The following NBEA variants were observed in gnomAD, a reference collection of about 807,000 sequenced individuals.
NBEA encodes the protein neurobeachin.
In NBEA, 44 loss-of-function variants were observed where a neutral mutation model predicts 343.4. That is an observed-to-expected ratio of 0.13 (90% CI 0.10 to 0.16). The LOEUF (loss-of-function observed/expected upper bound fraction) is 0.16, where lower values mean the gene tolerates loss of function less well. NBEA is among the 10% of genes least tolerant of loss of function. The pLI, the probability that NBEA is intolerant of heterozygous loss-of-function variation, is 1.00. For synonymous variants in NBEA, 1,175 were observed against 1,238.7 expected (o/e 0.95, Z 1.08); for missense variants, 2,555 against 3,631.3 (o/e 0.70, Z 7.62).
At chr13:35,445,906 T>C (rs1323634069) in intron 39 of NBEA, among the ~76,000 whole-genome samples, 1 of 150,386 alleles carries the variant, frequency 6.6e-6, no homozygotes, top group Non-Finnish European at 1.5e-5. Context: ...CATGTTGGTG[T>C]GCTGCACCCA....
At position 35,549,557 on chromosome 13, in the gene NBEA, C is replaced by T. The variant is rs144867775; in HGVS notation, c.6586-920C>T. Reference sequence around the variant, plus strand: ...CCAGAAGTCCAGATGTGGATGCTTGCTGTGATTGTTTCAGTAGCTCAGTAT... The same window carrying T: ...CCAGAAGTCCAGATGTGGATGCTTGTTGTGATTGTTTCAGTAGCTCAGTAT... On this transcript the variant is annotated intron_variant, in intron 41 of 58. Coordinates refer to ENST00000379939, the MANE Select transcript of NBEA (RefSeq NM_001385012.1). Among the ~76,000 whole-genome samples the T allele has an allele frequency of 2.4e-3, 368 of 152,186 alleles. 2 individuals are homozygous for T. Among genetic ancestry groups the T allele is most frequent in the African/African-American group, 8.6e-3 (358 of 41,540 alleles).
Position 35,044,995 on chromosome 13 carries a change from T to C in NBEA, c.575T>C (p.Val192Ala). The C allele has an allele frequency of 6.2e-7, 1 of 1,612,176 alleles. No homozygotes were observed. The highest frequency in any genetic ancestry group is 8.5e-7 in the Non-Finnish European group (1 of 1,179,060). ...GTTCTTGCCAGCTACAGCATCACTG[T>C]CAAGGAGTTGAAGCTTTTGTTCAGC... ...LGVLASYSITVKELKLLFSML... is the reference protein window; with the variant it reads ...LGVLASYSITAKELKLLFSML... The change falls in exon 3 of 59, where the codon GTC becomes GCC. Residue 192 changes from valine (V) to alanine (A), a missense_variant. Physicochemically the swap from Val to Ala is moderately conservative, Grantham distance 64. Transcript: ENST00000379939.
At chr13:35,040,775 C>T (rs754842007) in intron 1 of NBEA, among the ~76,000 whole-genome samples, 158 bp from the exon 2 acceptor site, 2 of 152,076 alleles carry the variant, frequency 1.3e-5, no homozygotes, top group South Asian at 2.1e-4. Context: ...ATGCCTTTCA[C>T]TTATTTGTAG....
intron 38 of NBEA, among the ~76,000 whole-genome samples, chr13:35,407,946 T>C (rs1441197052): frequency 2.0e-5 from 3 of 152,208 alleles, no homozygotes; most frequent in Non-Finnish European, 4.4e-5. Flanking sequence ...CCAAAGCAAT[T>C]TATAGTTTTA....
In NBEA at chr13:35,330,975, TTAG is replaced by T. The variant is rs372690729; in HGVS notation, c.5904-18129_5904-18127del. On this transcript the variant is annotated intron_variant, in intron 36 of 58. Transcript: ENST00000379939. ...GTTCATCCTTCAAAAAAAAGTTTGATTAGTAGCATAATTCATAGCTAATATGGC... is the reference window on the plus strand; with the variant it reads ...GTTCATCCTTCAAAAAAAAGTTTGATTAGCATAATTCATAGCTAATATGGC... 5.8e-3 allele frequency among the ~76,000 whole-genome samples: 875 copies of T among 152,140 alleles called. 10 individuals carry two copies. Among genetic ancestry groups the T allele is most frequent in the African/African-American group, 0.02 (848 of 41,520 alleles).
At chr13:35,539,356 G>A (rs1174546563) in intron 41 of NBEA, among the ~76,000 whole-genome samples, 1 of 152,102 alleles carries the variant, frequency 6.6e-6, no homozygotes. Flanking sequence ...ATTTGCAGGG[G>A]CACAAAAGTG....
chr13:35,552,816 A>G (rs528550538), intron 43 of NBEA, among the ~76,000 whole-genome samples: 1 of 151,890 alleles, frequency 6.6e-6, no homozygotes, highest in Non-Finnish European at 1.5e-5. Context: ...AAGCTCTTTT[A>G]TTTTATTTCT....
chr13:35,539,346 A>G lies in NBEA; in HGVS notation c.6586-11131A>G, dbSNP rs1364993321. On this transcript the variant is annotated intron_variant, in intron 41 of 58. Coordinates refer to ENST00000379939, the MANE Select transcript of NBEA (RefSeq NM_001385012.1). The stretch of plus-strand genomic sequence containing the variant: ...GGATCTGCCAGTCAGAAGAAATATC[A>G]TTTGCAGGGGCACAAAAGTGTGACA... 3.3e-5 allele frequency among the ~76,000 whole-genome samples: 5 copies of G among 152,260 alleles called. 1 individual carries two copies. In the East Asian group the frequency reaches 9.7e-4, roughly 29 times the overall value.
At chr13:35,254,169 A>ACTTTGCC (rs1250415621) in intron 34 of NBEA, among the ~76,000 whole-genome samples, 4 of 152,126 alleles carry the variant, frequency 2.6e-5, no homozygotes, top group Non-Finnish European at 5.9e-5. Flanking sequence ...ATATATAAGA[A>ACTTTGCC]CTTTGCCCCT....
chr13:35,596,753 T>C (rs1424902722), intron 47 of NBEA, among the ~76,000 whole-genome samples: 1 of 152,160 alleles, frequency 6.6e-6, no homozygotes, highest in Admixed American at 6.6e-5. Context: ...AGAATAGCTA[T>C]GTAGATGTCA....
At chr13:35,526,738 G>T (rs1468381537) in intron 41 of NBEA, among the ~76,000 whole-genome samples, 2 of 152,200 alleles carry the variant, frequency 1.3e-5, no homozygotes, top group Non-Finnish European at 2.9e-5. Flanking sequence ...GGCACAGAGT[G>T]GTGAAGAATG....
In NBEA at chr13:35,173,486, C is replaced by G; in HGVS notation, c.4446C>G (p.Asn1482Lys). The change falls in exon 27 of 59, where the codon AAC (asparagine) becomes AAG (lysine). Residue 1482 changes from asparagine (N) to lysine (K), a missense_variant. By Grantham distance (94) the Asn-to-Lys change is moderately conservative. Transcript: ENST00000379939. ...TAGTTTGTTGTGTTGCTGTGAGAAA[C>G]TGTTTAGAATGTCGGCAAAGACAGA... ...LRLVCCVAVR[N>K]CLECRQRQRD... 1 of 1,608,204 alleles carries G rather than the reference C, an allele frequency of 6.2e-7. No homozygotes were observed. Among genetic ancestry groups the G allele is most frequent in the Non-Finnish European group, 8.5e-7 (1 of 1,176,524 alleles).
At chr13:35,164,293 A>C in intron 23 of NBEA, 63 bp from the exon 24 acceptor site, 2 of 1,386,158 alleles carry the variant, frequency 1.4e-6, no homozygotes, top group Non-Finnish European at 1.9e-6. Flanking sequence ...TTGTTATTCT[A>C]ATTGTCTAAG....
chr13:35,100,405 AT>A lies in NBEA; in HGVS notation c.1680+2007del, dbSNP rs532125734. Among the ~76,000 whole-genome samples the A allele has an allele frequency of 1.8e-3, 279 of 152,018 alleles. 1 individual carries two copies. Among genetic ancestry groups the A allele is most frequent in the African/African-American group, 6.5e-3 (271 of 41,536 alleles). On this transcript the variant is annotated intron_variant, in intron 11 of 58. Transcript: ENST00000379939. ...TTAAGAACTTAAGGTCCTTTGGCTT[AT>A]TTTTTTGAATGACAGAATACTCTTT...
intron 38 of NBEA, among the ~76,000 whole-genome samples, chr13:35,423,341 G>A (rs1320935975): frequency 4.6e-5 from 7 of 152,130 alleles, no homozygotes; most frequent in African/African-American, 7.2e-5. Flanking sequence ...GTGTAAGGAA[G>A]GGATCCAGTT....
intron 36 of NBEA, among the ~76,000 whole-genome samples, chr13:35,328,246 GAAATA>G (rs2038704792): frequency 6.6e-6 from 1 of 151,858 alleles, no homozygotes; most frequent in Non-Finnish European, 1.5e-5. Flanking sequence ...ATTGGAAACT[GAAATA>G]AAATAAACCA....
intron 1 of NBEA, among the ~76,000 whole-genome samples, chr13:35,006,865 G>T (rs962641040): frequency 2.6e-5 from 4 of 152,188 alleles, no homozygotes; most frequent in Admixed American, 6.5e-5. Flanking sequence ...GGATTCTCCT[G>T]CCTCAGCCTC....
rs1355940368 is a variant in NBEA, at chr13:35,559,907, G to C, written c.6922+4805G>C. ...GATCCCACCACTGGACTCCAGCCTG[G>C]GCGACAGAGCGAGACTCCGTCTCAA... is the stretch of plus-strand genomic sequence containing the variant. On this transcript the variant is annotated intron_variant, in intron 44 of 58. Coordinates refer to ENST00000379939, the MANE Select transcript of NBEA (RefSeq NM_001385012.1). 2.0e-5 allele frequency among the ~76,000 whole-genome samples: 3 copies of C among 148,662 alleles called. No individual in the cohort carries two copies. In the Admixed American group the frequency reaches 2.0e-4, roughly 10 times the overall value.
At chr13:35,109,943 T>A (rs1054603869) in intron 12 of NBEA, among the ~76,000 whole-genome samples, 2 of 151,666 alleles carry the variant, frequency 1.3e-5, no homozygotes, top group Admixed American at 1.3e-4. Flanking sequence ...TAATGAGGGA[T>A]ATTTTGATTT....
Sources: gnomAD v4.1 joint callset for allele counts (sites outside exome capture counted in the v4.1 genomes callset) on GRCh38, gnomAD v4.1.1 for gene constraint, MANE v1.5 for transcripts, NCBI Gene and HGNC (gene_info 2026-07-23, HGNC 2026-07-21) for gene names.